LIMA1: variants seen among roughly 807,000 people sequenced by gnomAD.
LIMA1 encodes LIM domain and actin binding 1, also known as LIM domain and actin-binding protein 1.
LIMA1 carries 52 observed loss-of-function variants against 62.6 expected under a neutral mutation model. That is an observed-to-expected ratio of 0.83 (90% CI 0.67 to 1.05). LIMA1 has a LOEUF of 1.05. LIMA1 is among the 50% of genes least tolerant of loss of function. LIMA1 has a pLI of 0.00. For missense variants in LIMA1, 780 were observed against 902.2 expected (o/e 0.86, Z 1.74); for synonymous variants, 302 against 317.8 (o/e 0.95, Z 0.53).
intron 6 of LIMA1, chr12:50,201,910 AT>A (rs1410420463): frequency 6.6e-6 from 1 of 152,242 alleles, no homozygotes; most frequent in Admixed American, 6.5e-5. Context: ...AAATAAAAAA[AT>A]AAAATAAAAT....
chr12:50,269,495 G>A (rs1317428718), intron 1 of LIMA1, among the ~76,000 whole-genome samples: 2 of 152,138 alleles, frequency 1.3e-5, no homozygotes, highest in East Asian at 3.8e-4. Context: ...CCAATAAAAA[G>A]AGAATATCTC....
chr12:50,233,345 C>T (rs1941640939), intron 2 of LIMA1, among the ~76,000 whole-genome samples: 1 of 149,726 alleles, frequency 6.7e-6, no homozygotes, highest in Non-Finnish European at 1.5e-5. Flanking sequence ...TTAGTTAAGT[C>T]CATACAGCAA....
chr12:50,230,877 A>G (rs1941602548), intron 3 of LIMA1, among the ~76,000 whole-genome samples: 2 of 152,278 alleles, frequency 1.3e-5, no homozygotes, highest in South Asian at 4.1e-4. Context: ...GCACCCGGCC[A>G]GTTTTTTCTT....
At position 50,247,604 on chromosome 12, in the gene LIMA1, A is replaced by AATTATTATTATTATTATTATTATTATT. The variant is rs111550387; in HGVS notation, c.119+1002_119+1028dup. ...GCTTCAAAAGCAAAATAAATGCTGG[A>AATTATTATTATTATTATTATTATTATT]ATTATTATTATTATTATTATTATTA... is the stretch of plus-strand genomic sequence containing the variant. On this transcript the variant is annotated intron_variant, in intron 2 of 10. Coordinates refer to ENST00000341247, the MANE Select transcript of LIMA1 (RefSeq NM_016357.5). Among the ~76,000 whole-genome samples the AATTATTATTATTATTATTATTATTATT allele has an allele frequency of 2.0e-3, 287 of 140,608 alleles. 1 individual carries two copies. The highest frequency in any genetic ancestry group is 4.7e-3 in the East Asian group (23 of 4,848). 92.2% of individuals were successfully genotyped at this position (140,608 alleles called of 152,430 possible).
Position 50,222,007 on chromosome 12 carries a change from C to A in LIMA1, c.630+14G>T. ...AATTGGCTTTCTCAAGTTTCAAACC[C>A]GCCCAATTCTTACCTTAGTTTGAGT... is the stretch of plus-strand genomic sequence containing the variant. On this transcript the variant is annotated intron_variant, in intron 4 of 10. Transcript: ENST00000341247. 6.3e-7 allele frequency: 1 copy of A among 1,588,478 alleles called. No individual in the cohort carries two copies. Among genetic ancestry groups the A allele is most frequent in the Non-Finnish European group, 8.6e-7 (1 of 1,167,730 alleles).
At chr12:50,231,908 C>T (rs1447314462) in intron 2 of LIMA1, among the ~76,000 whole-genome samples, 198 bp from the exon 3 acceptor site, 1 of 151,996 alleles carries the variant, frequency 6.6e-6, no homozygotes, top group African/African-American at 2.4e-5. Flanking sequence ...GCTGGGATTA[C>T]AGGCACCCAC....
chr12:50,257,341 T>G (rs1289363699), intron 1 of LIMA1, among the ~76,000 whole-genome samples: 1 of 152,186 alleles, frequency 6.6e-6, no homozygotes, highest in Non-Finnish European at 1.5e-5. Context: ...TCAGATGATG[T>G]TGAAGGCCGA....
chr12:50,279,983 A>G (rs1326272461), intron 1 of LIMA1, among the ~76,000 whole-genome samples: 1 of 152,174 alleles, frequency 6.6e-6, no homozygotes, highest in African/African-American at 2.4e-5. Flanking sequence ...TACTTTGTGC[A>G]AGACAAAACA....
intron 2 of LIMA1, among the ~76,000 whole-genome samples, chr12:50,237,213 C>T (rs985980641): frequency 6.6e-6 from 1 of 152,148 alleles, no homozygotes; most frequent in African/African-American, 2.4e-5. Context: ...CCTGAATGTC[C>T]GTTAGCAGAG....
chr12:50,208,394 G>A (rs1240299819), intron 4 of LIMA1, among the ~76,000 whole-genome samples: 1 of 152,204 alleles, frequency 6.6e-6, no homozygotes, highest in Non-Finnish European at 1.5e-5. Context: ...GCTGAAGCAG[G>A]AGAATCGCTT....
At chr12:50,258,639 CTTTTTTT>C (rs34324226) in intron 1 of LIMA1, among the ~76,000 whole-genome samples, 6 of 67,384 alleles carry the variant, frequency 8.9e-5, no homozygotes, top group Non-Finnish European at 1.6e-4. Flanking sequence ...TCTACCTATA[CTTTTTTT>C]TTTTTTTTTT....
chr12:50,241,530 A>G (rs1015358101), intron 2 of LIMA1, among the ~76,000 whole-genome samples: 2 of 152,156 alleles, frequency 1.3e-5, no homozygotes, highest in Non-Finnish European at 2.9e-5. Flanking sequence ...TCCTTTTAGC[A>G]TGGAGGCATC....
intron 2 of LIMA1, among the ~76,000 whole-genome samples, chr12:50,238,282 G>A (rs1292635913): frequency 1.3e-5 from 2 of 152,000 alleles, no homozygotes; most frequent in African/African-American, 4.8e-5. Context: ...CAAGGTGGGC[G>A]GATCATGTGA....
chr12:50,233,671 G>A (rs1941646186), intron 2 of LIMA1, among the ~76,000 whole-genome samples: 1 of 152,164 alleles, frequency 6.6e-6, no homozygotes, highest in South Asian at 2.1e-4. Context: ...TTACAGGCAT[G>A]TGCCACCATG....
At chr12:50,234,211 C>CTTTTTT in intron 2 of LIMA1, 1 of 377,330 alleles carries the variant, frequency 2.7e-6, no homozygotes, top group South Asian at 2.0e-5. Context: ...CCAGAACAAC[C>CTTTTTT]TTTTTTTTTT....
At chr12:50,246,743 G>C (rs1482891454) in intron 2 of LIMA1, among the ~76,000 whole-genome samples, 2 of 152,044 alleles carry the variant, frequency 1.3e-5, no homozygotes, top group African/African-American at 4.8e-5. Context: ...CAGACTGCTT[G>C]CTTTCCTATT....
At chr12:50,222,579 T>C in intron 3 of LIMA1, 94 bp from the exon 4 acceptor site, 2 of 1,571,674 alleles carry the variant, frequency 1.3e-6, no homozygotes, top group Non-Finnish European at 1.7e-6. Context: ...AACTCCAAGC[T>C]GCTCCTGGTC....
At chr12:50,232,880 G>A (rs981419519) in intron 2 of LIMA1, among the ~76,000 whole-genome samples, 13 of 152,246 alleles carry the variant, frequency 8.5e-5, no homozygotes, top group African/African-American at 2.4e-4. Context: ...CCAGCTACTC[G>A]GGGGGCTGAG....
intron 1 of LIMA1, among the ~76,000 whole-genome samples, chr12:50,272,661 A>C (rs1302666111): frequency 6.6e-6 from 1 of 151,910 alleles, no homozygotes; most frequent in African/African-American, 2.4e-5. Context: ...AGCATCACTG[A>C]GGCTGATCAC....
Sources: gnomAD v4.1 joint callset for allele counts (sites outside exome capture counted in the v4.1 genomes callset) on GRCh38, gnomAD v4.1.1 for gene constraint, MANE v1.5 for transcripts, NCBI Gene and HGNC (gene_info 2026-07-23, HGNC 2026-07-21) for gene names.